TRPV4: variants seen among roughly 807,000 people sequenced by gnomAD.
TRPV4 encodes the protein OSM9-like transient receptor potential channel 4.
A neutral mutation model predicts 84.1 loss-of-function variants in TRPV4; 58 were observed. The observed-to-expected ratio is 0.69, with a 90% CI of 0.56 to 0.86. TRPV4 has a LOEUF of 0.86. Ranked by LOEUF, TRPV4 falls within the 40% of genes least tolerant of loss-of-function variation. The probability of loss-of-function intolerance (pLI) is 0.00; values close to 1 mark genes in which losing one functional copy is unlikely to be tolerated. For missense variants in TRPV4, 879 were observed against 1,181.1 expected, an observed-to-expected ratio of 0.74 and a Z score of 3.75; for synonymous variants, 489 against 500.9, an observed-to-expected ratio of 0.98 and a Z score of 0.32.
chr12:109,829,147 G>A (rs1230306938), intron 1 of TRPV4, among the ~76,000 whole-genome samples: 1 of 152,026 alleles, frequency 6.6e-6, no homozygotes, highest in Non-Finnish European at 1.5e-5. Flanking sequence ...ATTCCAGCCT[G>A]AGCAACAGAC....
chr12:109,788,249 C>G, intron 13 of TRPV4, 151 bp downstream of exon 13: 1 of 793,682 alleles, frequency 1.3e-6, no homozygotes, highest in Non-Finnish European at 2.0e-6. Flanking sequence ...CAGCAGCAGC[C>G]TCTGATGCCC....
chr12:109,788,424 C>T lies in TRPV4; in HGVS notation c.2184G>A (p.Glu728=), dbSNP rs2136440447. 1.2e-6 allele frequency: 2 copies of T among 1,614,120 alleles called. No individual in the cohort carries two copies. Among genetic ancestry groups the T allele is most frequent in the Non-Finnish European group, 8.5e-7 (1 of 1,180,018 alleles). ...MGETVGQVSK[E]SKHIWKLQWA... ...CCTGCAGCTTCCAGATGTGCTTGCTCTCCTTGGAGACCTGGCCCACTGTCT... is the reference window on the plus strand; with the variant it reads ...CCTGCAGCTTCCAGATGTGCTTGCTTTCCTTGGAGACCTGGCCCACTGTCT... Residue 728 remains glutamate, a synonymous_variant, in exon 13 of 16, where the codon GAG becomes GAA. Coordinates refer to ENST00000261740, the MANE Select transcript of TRPV4 (RefSeq NM_021625.5).
intron 1 of TRPV4, among the ~76,000 whole-genome samples, chr12:109,831,974 T>C (rs1892421032): frequency 6.6e-6 from 1 of 152,220 alleles, no homozygotes; most frequent in Non-Finnish European, 1.5e-5. Context: ...AATTGACTTT[T>C]TTCACCCTCT....
intron 7 of TRPV4, among the ~76,000 whole-genome samples, chr12:109,795,948 G>C (rs940869847): frequency 6.7e-6 from 1 of 150,070 alleles, no homozygotes; most frequent in Non-Finnish European, 1.5e-5. Context: ...TGGTAGAGAC[G>C]GGGTTTCGCC....
At chr12:109,808,268 A>G (rs1258866370) in intron 3 of TRPV4, 28 bp downstream of exon 3, 1 of 1,613,390 alleles carries the variant, frequency 6.2e-7, no homozygotes, top group Non-Finnish European at 8.5e-7. Context: ...TGGCTGTCCC[A>G]CTGGCTATGC....
In TRPV4 at chr12:109,814,856, A is replaced by G. The variant is rs554182833; in HGVS notation, c.-31-29T>C. The G allele has an allele frequency of 1.3e-6, 2 of 1,532,030 alleles. No homozygotes were observed. Among genetic ancestry groups the G allele is most frequent in the African/African-American group, 2.7e-5 (2 of 73,068 alleles). 94.9% of individuals were successfully genotyped at this position (1,532,030 alleles called of 1,614,324 possible). On this transcript the variant is annotated intron_variant, in intron 1 of 15. Coordinates refer to ENST00000261740, the MANE Select transcript of TRPV4 (RefSeq NM_021625.5). This position sits in a 1 kb window ranked among gnomAD's most constrained non-coding sequence, Gnocchi z 5.4. ...CAAGGGAATGAAAGGGGAGTCAGGC[A>G]GAACCCGGCCAGGGGCGGGGGCTCC...
chr12:109,783,983 G>A lies in TRPV4; in HGVS notation c.2459-205C>T, dbSNP rs1033222975. Among the ~76,000 whole-genome samples the A allele has an allele frequency of 6.6e-6, 1 of 152,188 alleles. No homozygotes were observed. The highest frequency in any genetic ancestry group is 2.4e-5 in the African/African-American group (1 of 41,438). ...AATGGAGGAACCAGGATTCAAGCCT[G>A]GAGCCGAATGCCCTGAGTGCCTGTG... On this transcript the variant is annotated intron_variant, in intron 15 of 15. Transcript: ENST00000261740. This position sits in a 1 kb window ranked among gnomAD's most constrained non-coding sequence, Gnocchi z 4.6.
intron 1 of TRPV4, among the ~76,000 whole-genome samples, chr12:109,817,108 C>G (rs1006472684): frequency 2.0e-5 from 3 of 152,198 alleles, no homozygotes; most frequent in East Asian, 1.9e-4. Flanking sequence ...ACTGGCCAGA[C>G]AGGAGAGGGG....
Position 109,788,281 on chromosome 12 carries a change from A to T in TRPV4, c.2208+119T>A, listed in dbSNP as rs1374663335. ...GCCCATTTTACCGACAGAGAAGTGG[A>T]GGGAGAATGAGAAGACACTGCTTGC... On this transcript the variant is annotated intron_variant, in intron 13 of 15. Transcript: ENST00000261740. 6.2e-6 allele frequency: 6 copies of T among 962,574 alleles called. No homozygotes were observed. In the African/African-American group the frequency reaches 9.7e-5, roughly 16 times the overall value. 59.6% of individuals were successfully genotyped at this position (962,574 alleles called of 1,614,324 possible). A position where few individuals can be genotyped will look rare whatever the true frequency, so the allele number is the denominator to read the frequency against.
chr12:109,825,867 C>G (rs1413365860), intron 1 of TRPV4, among the ~76,000 whole-genome samples: 2 of 152,192 alleles, frequency 1.3e-5, no homozygotes, highest in Non-Finnish European at 2.9e-5. Context: ...AGTTTGAGAT[C>G]CTTCCTCTGT....
chr12:109,799,988 G>C (rs1235072046), intron 5 of TRPV4, among the ~76,000 whole-genome samples: 1 of 152,024 alleles, frequency 6.6e-6, no homozygotes, highest in Non-Finnish European at 1.5e-5. Flanking sequence ...TGTCACCCAA[G>C]CTGGAGTGCA....
At position 109,794,475 on chromosome 12, in the gene TRPV4, T is replaced by A. The variant is rs1846422724; in HGVS notation, c.1345A>T (p.Met449Leu). The A allele has an allele frequency of 6.2e-7, 1 of 1,613,800 alleles. No individual in the cohort carries two copies. The highest frequency in any genetic ancestry group is 8.5e-7 in the Non-Finnish European group (1 of 1,179,944). The change falls in exon 8 of 16, where the codon ATG becomes TTG. Residue 449 changes from methionine (M) to leucine (L), a missense_variant. Met to Leu is a conservative substitution (Grantham distance 15, BLOSUM62 2). Coordinates refer to ENST00000261740, the MANE Select transcript of TRPV4 (RefSeq NM_021625.5). ...YNSKIENRHE[M>L]LAVEPINELL... ...TCATTGATGGGCTCCACAGCCAGCA[T>A]CTCGTGGCGGTTCTAAGAGAGGCAG...
intron 2 of TRPV4, among the ~76,000 whole-genome samples, chr12:109,813,554 A>T (rs1891655613): frequency 6.8e-6 from 1 of 147,398 alleles, no homozygotes; most frequent in Admixed American, 6.6e-5. Flanking sequence ...TGTATAAATG[A>T]GTGGGTGGAT....
Position 109,829,040 on chromosome 12 carries a change from T to C in TRPV4, c.-32+4310A>G, listed in dbSNP as rs1892343534. On this transcript the variant is annotated intron_variant, in intron 1 of 15. Transcript: ENST00000261740. ...GTCTGAAAAAAACCTTTTTTTTTAA[T>C]AAGCTGGGTGTGTCCCAACTACTTG... Among the ~76,000 whole-genome samples, 3 of 152,116 alleles carry C rather than the reference T, an allele frequency of 2.0e-5. No homozygotes were observed. The South Asian group carries it at 6.2e-4, about 32-fold the overall frequency.
Position 109,798,950 on chromosome 12 carries a change from G to A in TRPV4, c.854-38C>T, listed in dbSNP as rs754528134. The A allele has an allele frequency of 5.0e-6, 8 of 1,587,426 alleles. No individual in the cohort carries two copies. The Admixed American group carries it at 1.0e-4, about 20-fold the overall frequency. ...GTGAAGGGTGGGAGGTCAGCGAAGGGGGCCCAGGGTGGGACTCTGCCTGCA... is the reference window on the plus strand; with the variant it reads ...GTGAAGGGTGGGAGGTCAGCGAAGGAGGCCCAGGGTGGGACTCTGCCTGCA... On this transcript the variant is annotated intron_variant, in intron 5 of 15. Coordinates refer to ENST00000261740, the MANE Select transcript of TRPV4 (RefSeq NM_021625.5). This position sits in a 1 kb window ranked among gnomAD's most constrained non-coding sequence, Gnocchi z 5.0.
chr12:109,819,557 A>G (rs1892009867), intron 1 of TRPV4, among the ~76,000 whole-genome samples: 2 of 152,222 alleles, frequency 1.3e-5, no homozygotes, highest in Non-Finnish European at 2.9e-5. Flanking sequence ...GCGTTCATTC[A>G]GAGCAGCGGG....
chr12:109,795,099 A>C (rs1357868896), intron 7 of TRPV4, among the ~76,000 whole-genome samples: 1 of 152,242 alleles, frequency 6.6e-6, no homozygotes, highest in Non-Finnish European at 1.5e-5. Flanking sequence ...CCGCAAAATA[A>C]TTTATGTAAC....
intron 3 of TRPV4, among the ~76,000 whole-genome samples, chr12:109,803,356 G>A (rs971614123): frequency 6.6e-6 from 1 of 152,220 alleles, no homozygotes; most frequent in African/African-American, 2.4e-5. Flanking sequence ...AACGCATGGG[G>A]TTAGGTGCTT....
chr12:109,817,180 G>A (rs2136678675), intron 1 of TRPV4, among the ~76,000 whole-genome samples: 1 of 152,226 alleles, frequency 6.6e-6, no homozygotes, highest in South Asian at 2.1e-4. Context: ...TGCAGGAATG[G>A]GGGCCAGGGG....
Sources: allele counts gnomAD v4.1 joint callset (sites outside exome capture counted in the v4.1 genomes callset), GRCh38; gene constraint gnomAD v4.1.1; non-coding constraint Gnocchi (gnomAD v3.1); transcripts MANE v1.5; gene names NCBI Gene and HGNC (gene_info 2026-07-23, HGNC 2026-07-21).